The following UNC5B variants were observed in gnomAD, a reference collection of about 807,000 sequenced individuals.
The protein encoded by UNC5B is netrin receptor UNC5B.
UNC5B carries 56 observed loss-of-function variants against 103.7 expected under a neutral mutation model. The ratio of observed to expected loss-of-function variants is 0.54; its 90% CI spans 0.44 to 0.67. The LOEUF is 0.67. UNC5B is among the 30% of genes least tolerant of loss of function. The pLI is 0.00. For synonymous variants in UNC5B, 577 were observed against 542.0 expected (o/e 1.06, Z -0.90); for missense variants, 1,194 against 1,284.5 (o/e 0.93, Z 1.08).
rs375848733 is a variant in UNC5B, at chr10:71,293,895, C to T, written c.2137C>T (p.Arg713Trp). Residue 713 changes from arginine (R) to tryptophan (W), a missense_variant, in exon 13 of 17, where the codon CGG becomes TGG. Physicochemically the swap from Arg to Trp is moderately radical, Grantham distance 101. Coordinates refer to ENST00000335350, the MANE Select transcript of UNC5B (RefSeq NM_170744.5). ...ALCTSLEYSLRVYCLEDTPVA... is the reference protein window; with the variant it reads ...ALCTSLEYSLWVYCLEDTPVA... ...CTGCACCTCCCTGGAGTACAGCCTC[C>T]GGGTCTACTGCCTGGAGGACACGCC... 19 of 1,604,936 alleles carry T rather than the reference C, an allele frequency of 1.2e-5. No homozygotes were observed. The highest frequency in any genetic ancestry group is 1.7e-4 in the Middle Eastern group (1 of 5,984).
At chr10:71,295,592 C>T (rs764468760) in intron 13 of UNC5B, among the ~76,000 whole-genome samples, 28 of 152,354 alleles carry the variant, frequency 1.8e-4, no homozygotes, top group Non-Finnish European at 3.7e-4. Context: ...TCTAGCCATA[C>T]GGTCATCTAT....
chr10:71,238,632 TTTAG>T (rs1024431336), intron 1 of UNC5B, among the ~76,000 whole-genome samples: 32 of 152,090 alleles, frequency 2.1e-4, no homozygotes, highest in African/African-American at 7.7e-4. Flanking sequence ...TTTTTGTATT[TTTAG>T]TAGAGATGGG....
chr10:71,264,327 C>T (rs1844477358), intron 1 of UNC5B, among the ~76,000 whole-genome samples: 1 of 152,184 alleles, frequency 6.6e-6, no homozygotes, highest in Non-Finnish European at 1.5e-5. Flanking sequence ...TTTTAACATG[C>T]CCAGCACTCC....
intron 1 of UNC5B, among the ~76,000 whole-genome samples, chr10:71,241,329 A>T (rs1030097702): frequency 6.6e-6 from 1 of 152,202 alleles, no homozygotes; most frequent in African/African-American, 2.4e-5. Flanking sequence ...GTAACTGAGT[A>T]GCTTCAGCAA....
intron 1 of UNC5B, among the ~76,000 whole-genome samples, chr10:71,253,189 G>A (rs201456826): frequency 5.4e-5 from 1 of 18,366 alleles, no homozygotes; most frequent in South Asian, 1.6e-3. Flanking sequence ...CTCCAACCTC[G>A]GGGGAACCCC....
chr10:71,277,688 A>C (rs112052421), intron 1 of UNC5B, among the ~76,000 whole-genome samples: 27 of 152,302 alleles, frequency 1.8e-4, no homozygotes, highest in African/African-American at 6.3e-4. Context: ...CCTATAGTGA[A>C]TGTATCCCTG....
rs757919958 is a variant in UNC5B at position 71,213,281 on chromosome 10, A to G, written c.79+217A>G. Among the ~76,000 whole-genome samples the G allele has an allele frequency of 2.0e-5, 3 of 152,140 alleles. No individual in the cohort carries two copies. Among genetic ancestry groups the G allele is most frequent in the Admixed American group, 6.5e-5 (1 of 15,288 alleles). On this transcript the variant is annotated intron_variant, in intron 1 of 16. Coordinates refer to ENST00000335350, the MANE Select transcript of UNC5B (RefSeq NM_170744.5). The surrounding 1 kb of genome is among the most constrained non-coding windows in gnomAD (Gnocchi z 4.1). ...GGAAGGGGCTTCACAGTAAGCTGAA[A>G]GGTCCCTGCTCGCTCCTGAAAGGGA... is the stretch of plus-strand genomic sequence containing the variant.
Position 71,246,861 on chromosome 10 carries a change from G to A in UNC5B, c.80-32960G>A, listed in dbSNP as rs367850647. Among the ~76,000 whole-genome samples, 27 of 152,308 alleles carry A rather than the reference G, an allele frequency of 1.8e-4. No homozygotes were observed. The East Asian group carries it at 2.7e-3, about 15-fold the overall frequency. Reference sequence around the variant, plus strand: ...CCAGCCGGCAGGCTCCCTCTGGGGCGACCACTTCTTTAAACACTCCGGGTT... The same window carrying A: ...CCAGCCGGCAGGCTCCCTCTGGGGCAACCACTTCTTTAAACACTCCGGGTT... On this transcript the variant is annotated intron_variant, in intron 1 of 16. Transcript: ENST00000335350.
In UNC5B at chr10:71,280,050, G is replaced by T; in HGVS notation, c.304+5G>T. On this transcript the variant is annotated splice_donor_5th_base_variant and intron_variant, in intron 2 of 16. Transcript: ENST00000335350. ...AAGGCCTGGATGAGGCCACCGGTGAGCCCGCCCCACTTGCCTGGGCACCCC... is the reference window on the plus strand; with the variant it reads ...AAGGCCTGGATGAGGCCACCGGTGATCCCGCCCCACTTGCCTGGGCACCCC... 1 of 1,613,202 alleles carries T rather than the reference G, an allele frequency of 6.2e-7. No individual in the cohort carries two copies. The highest frequency in any genetic ancestry group is 8.5e-7 in the Non-Finnish European group (1 of 1,179,932).
chr10:71,297,912 C>T lies in UNC5B; in HGVS notation c.2494C>T (p.Pro832Ser), dbSNP rs148887280. ...FQLHTTLAET[P>S]AGSLDTLCSA... is the part of the protein sequence containing the mutation. ...CTCTTGGCCCCCACCCTTGCAGACA[C>T]CTGCTGGCTCCCTGGACACTCTCTG... is the stretch of plus-strand genomic sequence containing the variant. Residue 832 changes from proline (P) to serine (S), a missense_variant, in exon 16 of 17, where the codon CCT becomes TCT. Transcript: ENST00000335350. 1.1e-4 allele frequency: 184 copies of T among 1,611,460 alleles called. No individual in the cohort carries two copies. The highest frequency in any genetic ancestry group is 1.4e-4 in the Non-Finnish European group (167 of 1,178,930).
intron 1 of UNC5B, among the ~76,000 whole-genome samples, chr10:71,224,084 C>A (rs1284185506): frequency 6.6e-6 from 1 of 152,226 alleles, no homozygotes; most frequent in Non-Finnish European, 1.5e-5. Flanking sequence ...CTCACTGGTC[C>A]TTGTCAGGAG....
chr10:71,216,040 C>A (rs1843323497), intron 1 of UNC5B, among the ~76,000 whole-genome samples: 1 of 152,174 alleles, frequency 6.6e-6, no homozygotes, highest in South Asian at 2.1e-4. Flanking sequence ...TCCCCTCCCC[C>A]ACAAACAGGG....
In UNC5B at chr10:71,279,961, G is replaced by C; in HGVS notation, c.220G>C (p.Ala74Pro). The part of the protein sequence containing the change: ...PVELRCRAFP[A>P]TQIYFKCNGE... ...GGAGCTCCGCTGCCGCGCCTTCCCC[G>C]CCACACAGATCTACTTCAAGTGCAA... The change falls in exon 2 of 17, where the codon GCC becomes CCC. Residue 74 changes from alanine to proline, a missense_variant. Coordinates refer to ENST00000335350, the MANE Select transcript of UNC5B (RefSeq NM_170744.5). 6.2e-7 allele frequency: 1 copy of C among 1,614,080 alleles called. No individual in the cohort carries two copies. Among genetic ancestry groups the C allele is most frequent in the Non-Finnish European group, 8.5e-7 (1 of 1,180,038 alleles).
chr10:71,272,993 AT>A (rs1844682591), intron 1 of UNC5B, among the ~76,000 whole-genome samples: 1 of 152,188 alleles, frequency 6.6e-6, no homozygotes, highest in South Asian at 2.1e-4. Flanking sequence ...GGTTTAAGCA[AT>A]TCTTGTGCCT....
intron 1 of UNC5B, among the ~76,000 whole-genome samples, chr10:71,279,012 G>A (rs1456194058): frequency 6.6e-6 from 1 of 152,218 alleles, no homozygotes; most frequent in African/African-American, 2.4e-5. Flanking sequence ...TCTTTCCAGG[G>A]AGACGGTGGG....
intron 1 of UNC5B, among the ~76,000 whole-genome samples, chr10:71,246,704 C>T (rs1454453625): frequency 6.6e-6 from 1 of 152,128 alleles, no homozygotes; most frequent in Non-Finnish European, 1.5e-5. Flanking sequence ...CCACATCTGT[C>T]AAAACCCTTT....
intron 1 of UNC5B, among the ~76,000 whole-genome samples, chr10:71,266,076 T>TC (rs1465784533): frequency 5.6e-4 from 85 of 152,094 alleles, no homozygotes; most frequent in Non-Finnish European, 8.5e-4. Context: ...CTATCCTTTC[T>TC]TTTTTCACCC....
At chr10:71,281,535 T>C (rs1461841825) in intron 2 of UNC5B, among the ~76,000 whole-genome samples, 1 of 152,150 alleles carries the variant, frequency 6.6e-6, no homozygotes, top group Non-Finnish European at 1.5e-5. Flanking sequence ...AAAGTTGGGA[T>C]TTCACCGTGT....
chr10:71,228,488 T>C (rs1025379370), intron 1 of UNC5B, among the ~76,000 whole-genome samples: 1 of 152,200 alleles, frequency 6.6e-6, no homozygotes, highest in Admixed American at 6.5e-5. Context: ...GGGCTGATAT[T>C]TATGGTATAT....
Sources: gnomAD v4.1 joint callset for allele counts (sites outside exome capture counted in the v4.1 genomes callset) on GRCh38, gnomAD v4.1.1 for gene constraint, Gnocchi (gnomAD v3.1) non-coding constraint, MANE v1.5 for transcripts, NCBI Gene and HGNC (gene_info 2026-07-23, HGNC 2026-07-21) for gene names.